PIBF1: variants seen among roughly 807,000 people sequenced by gnomAD.
The protein encoded by PIBF1 is progesterone-induced-blocking factor 1.
PIBF1 carries 90 observed loss-of-function variants against 112.5 expected under a neutral mutation model. The observed-to-expected ratio is 0.80, with a 90% CI of 0.67 to 0.95. The LOEUF is 0.95. Among genes scored for constraint, PIBF1 ranks in the 40% least tolerant of loss-of-function variants. The probability of loss-of-function intolerance (pLI) is 0.00; values close to 1 mark genes in which losing one functional copy is unlikely to be tolerated. For missense variants in PIBF1, 915 were observed against 852.3 expected (o/e 1.07, Z -0.92); for synonymous variants, 301 against 288.6 (o/e 1.04, Z -0.44).
intron 2 of PIBF1, among the ~76,000 whole-genome samples, chr13:72,788,036 A>G (rs1170795016): frequency 1.3e-5 from 2 of 152,236 alleles, no homozygotes; most frequent in African/African-American, 4.8e-5. Context: ...TTCATTCTCC[A>G]AAGCTTATTG....
chr13:72,865,564 ATTATT>A (rs1566376878), intron 10 of PIBF1, among the ~76,000 whole-genome samples: 1 of 152,190 alleles, frequency 6.6e-6, no homozygotes, highest in East Asian at 1.9e-4. Flanking sequence ...ACTGTGTCTT[ATTATT>A]TTTAACACTT....
Position 72,932,735 on chromosome 13 carries a change from T to C in PIBF1, c.1833+1468T>C, listed in dbSNP as rs2138776406. On this transcript the variant is annotated intron_variant, in intron 14 of 17. Coordinates refer to ENST00000326291, the MANE Select transcript of PIBF1 (RefSeq NM_006346.4). ...AGCACAGATAATAGTAAAATAATTTTAAATTGACAAATTTGATTGTTTTTA... is the reference window on the plus strand; with the variant it reads ...AGCACAGATAATAGTAAAATAATTTCAAATTGACAAATTTGATTGTTTTTA... Among the ~76,000 whole-genome samples, 3 of 152,346 alleles carry C rather than the reference T, an allele frequency of 2.0e-5. No individual in the cohort carries two copies. In the South Asian group the frequency reaches 6.2e-4, roughly 32 times the overall value.
chr13:72,901,157 A>G (rs903751534), intron 11 of PIBF1: 2 of 360,320 alleles, frequency 5.6e-6, no homozygotes, highest in African/African-American at 2.2e-5. Flanking sequence ...AATCTTCACA[A>G]TCTATATATC....
At chr13:72,900,112 A>G (rs946481384) in intron 11 of PIBF1, among the ~76,000 whole-genome samples, 8 of 152,316 alleles carry the variant, frequency 5.3e-5, no homozygotes, top group African/African-American at 1.9e-4. Flanking sequence ...GATGACACAA[A>G]CAAATGGAAA....
At chr13:72,787,617 G>T (rs780232148) in intron 2 of PIBF1, among the ~76,000 whole-genome samples, 20 of 152,106 alleles carry the variant, frequency 1.3e-4, no homozygotes, top group Non-Finnish European at 1.9e-4. Flanking sequence ...TTTAAGTGAA[G>T]AAGAAAGGGG....
chr13:72,801,980 G>A (rs2035501572), intron 5 of PIBF1, among the ~76,000 whole-genome samples: 1 of 147,052 alleles, frequency 6.8e-6, no homozygotes, highest in African/African-American at 2.6e-5. Flanking sequence ...GTACAGTTAT[G>A]TAAATGTATT....
chr13:72,814,435 CAAAAAAAAA>C (rs547722918), intron 5 of PIBF1, among the ~76,000 whole-genome samples: 15 of 73,146 alleles, frequency 2.1e-4, no homozygotes, highest in African/African-American at 8.1e-4. Flanking sequence ...GACTTCGTCT[CAAAAAAAAA>C]AAAAAAAAGA....
intron 3 of PIBF1, among the ~76,000 whole-genome samples, chr13:72,793,911 G>A (rs954417037): frequency 1.3e-5 from 2 of 152,166 alleles, no homozygotes; most frequent in South Asian, 4.1e-4. Context: ...AATCCATGTG[G>A]AGGTATACGA....
At chr13:72,826,311 C>G (rs78541396) in intron 6 of PIBF1, among the ~76,000 whole-genome samples, 5 of 151,996 alleles carry the variant, frequency 3.3e-5, no homozygotes, top group Non-Finnish European at 7.4e-5. Context: ...GCTTTCTAAA[C>G]GTTTTTGAAA....
At chr13:72,800,174 T>TA (rs2035399347) in intron 5 of PIBF1, among the ~76,000 whole-genome samples, 1 of 152,204 alleles carries the variant, frequency 6.6e-6, no homozygotes, top group African/African-American at 2.4e-5. Flanking sequence ...TAGCTGGGCT[T>TA]ACAGGCATGC....
chr13:72,826,898 C>A, intron 6 of PIBF1, 112 bp from the exon 7 acceptor site: 2 of 509,624 alleles, frequency 3.9e-6, no homozygotes, highest in Non-Finnish European at 3.5e-6. Flanking sequence ...ACACTGAAGC[C>A]CCATTGCTAG....
chr13:72,954,947 CAG>C (rs1449987808), intron 14 of PIBF1, among the ~76,000 whole-genome samples: 3 of 152,186 alleles, frequency 2.0e-5, no homozygotes, highest in Non-Finnish European at 4.4e-5. Context: ...CTGCAGGTCA[CAG>C]AGCCACAGAG....
intron 14 of PIBF1, among the ~76,000 whole-genome samples, chr13:72,954,665 G>A (rs2042391256): frequency 6.6e-6 from 1 of 152,238 alleles, no homozygotes; most frequent in South Asian, 2.1e-4. Flanking sequence ...CTGTGGGAGT[G>A]TGTGTTCTGG....
chr13:72,868,100 G>A (rs979511383), intron 10 of PIBF1, among the ~76,000 whole-genome samples: 15 of 152,008 alleles, frequency 9.9e-5, no homozygotes, highest in Admixed American at 9.8e-4. Context: ...AGGAGTTCAG[G>A]AACAGCCTGG....
chr13:72,914,014 C>A (rs1247472125), intron 12 of PIBF1, among the ~76,000 whole-genome samples: 1 of 152,138 alleles, frequency 6.6e-6, no homozygotes, highest in Non-Finnish European at 1.5e-5. Flanking sequence ...TATCGATTAA[C>A]TAAAATTTCA....
At chr13:73,003,737 T>C (rs1002747606) in intron 17 of PIBF1, among the ~76,000 whole-genome samples, 1 of 152,134 alleles carries the variant, frequency 6.6e-6, no homozygotes, top group East Asian at 1.9e-4. Context: ...TGAGACACGG[T>C]CTTGCTCTGT....
intron 14 of PIBF1, among the ~76,000 whole-genome samples, chr13:72,954,342 G>A (rs77864690): frequency 0.012 from 1,890 of 152,338 alleles, 38 homozygotes; most frequent in African/African-American, 0.042. Flanking sequence ...CGAAGCAGGG[G>A]CGCCCAACTT....
chr13:72,997,251 T>A (rs116682355), intron 16 of PIBF1, among the ~76,000 whole-genome samples: 1 of 152,228 alleles, frequency 6.6e-6, no homozygotes, highest in Non-Finnish European at 1.5e-5. Context: ...CTTCTACTTA[T>A]CTTGGTAAGT....
chr13:72,819,574 T>C (rs987807438), intron 5 of PIBF1, among the ~76,000 whole-genome samples: 2 of 151,996 alleles, frequency 1.3e-5, no homozygotes, highest in Non-Finnish European at 2.9e-5. Context: ...TAGATTGGAG[T>C]CCTCACTCTA....
Sources: gnomAD v4.1 joint callset for allele counts (sites outside exome capture counted in the v4.1 genomes callset) on GRCh38, gnomAD v4.1.1 for gene constraint, MANE v1.5 for transcripts, NCBI Gene and HGNC (gene_info 2026-07-23, HGNC 2026-07-21) for gene names.